The following ARHGAP20 variants were observed in gnomAD, a reference collection of about 807,000 sequenced individuals.
ARHGAP20 encodes the protein Rho GTPase activating protein 20.
In ARHGAP20, 34 loss-of-function variants were observed where a neutral mutation model predicts 73.7. The observed-to-expected ratio is 0.46, with a 90% confidence interval of 0.35 to 0.61. ARHGAP20 has a LOEUF of 0.61. Ranked by LOEUF, ARHGAP20 falls within the 20% of genes least tolerant of loss-of-function variation. ARHGAP20 has a pLI of 0.00. For synonymous variants in ARHGAP20, 523 were observed against 518.2 expected, an observed-to-expected ratio of 1.01 and a Z score of -0.13; for missense variants, 1,314 against 1,420.9, an observed-to-expected ratio of 0.92 and a Z score of 1.21.
At chr11:110,648,153 T>TAATATATATATATATGTA (rs1949238816) in intron 2 of ARHGAP20, among the ~76,000 whole-genome samples, 1 of 118,506 alleles carries the variant, frequency 8.4e-6, no homozygotes, top group African/African-American at 3.0e-5. Context: ...GTGATATATA[T>TAATATATATATATATGTA]AATATATATA....
chr11:110,616,467 G>A (rs1013361168), intron 4 of ARHGAP20, among the ~76,000 whole-genome samples: 2 of 152,068 alleles, frequency 1.3e-5, no homozygotes, highest in African/African-American at 4.8e-5. Flanking sequence ...TGAACTCCTG[G>A]GGCCCAAGTG....
chr11:110,675,904 AT>A (rs1158732908), intron 2 of ARHGAP20, among the ~76,000 whole-genome samples: 1 of 151,986 alleles, frequency 6.6e-6, no homozygotes, highest in African/African-American at 2.4e-5. Context: ...CTTCTGACAA[AT>A]TTTTTTTCCT....
At chr11:110,616,714 A>G (rs1352861733) in intron 4 of ARHGAP20, among the ~76,000 whole-genome samples, 4 of 147,594 alleles carry the variant, frequency 2.7e-5, no homozygotes, top group African/African-American at 1.0e-4. Context: ...CATTGAGCAT[A>G]CATTTTCCAT....
chr11:110,640,300 C>T (rs1161054312), intron 2 of ARHGAP20, among the ~76,000 whole-genome samples: 1 of 151,960 alleles, frequency 6.6e-6, no homozygotes, highest in African/African-American at 2.4e-5. Context: ...ATAGCATAGA[C>T]ACTGTCTAAA....
In ARHGAP20 at chr11:110,580,733, T is replaced by A. The variant is rs796778262; in HGVS notation, c.2213A>T (p.Lys738Ile). 6.2e-7 allele frequency: 1 copy of A among 1,614,110 alleles called. No homozygotes were observed. The highest frequency in any genetic ancestry group is 1.1e-5 in the South Asian group (1 of 91,066). The change falls in exon 15 of 15, where the codon AAA becomes ATA. Residue 738 changes from lysine to isoleucine, a missense_variant. Physicochemically the swap from Lys to Ile is moderately radical, Grantham distance 102. Transcript: ENST00000683387. ...KSSCDAILSQ[K>I]DEDYLKQNQP... ...ATTCTGCTTCAGATAGTCTTCATCT[T>A]TTTGAGAAAGAATTGCATCACAGCT...
At chr11:110,619,288 T>G (rs1948565726) in intron 4 of ARHGAP20, among the ~76,000 whole-genome samples, 1 of 123,448 alleles carries the variant, frequency 8.1e-6, no homozygotes, top group Non-Finnish European at 1.7e-5. Flanking sequence ...AGTGATAGAG[T>G]ATATGCAGTG....
Position 110,577,181 on chromosome 11 carries a change from C to T in ARHGAP20, c.*2189G>A, listed in dbSNP as rs1311046865. Reference sequence around the variant, plus strand: ...CAAGTACAAAAATACACATTTATTACATAACATATGGTAGTAAAATTTGTC... The same window carrying T: ...CAAGTACAAAAATACACATTTATTATATAACATATGGTAGTAAAATTTGTC... On this transcript the variant is annotated 3_prime_UTR_variant, in exon 15 of 15. Transcript: ENST00000683387. The T allele has an allele frequency of 1.3e-6, 2 of 1,532,016 alleles. No homozygotes were observed. The highest frequency in any genetic ancestry group is 1.2e-5 in the South Asian group (1 of 83,234). The allele number at this position is 1,532,016 out of a possible 1,614,324, so 94.9% of individuals were successfully genotyped here.
At chr11:110,606,823 T>C in intron 8 of ARHGAP20, 74 bp from the exon 9 acceptor site, 2 of 1,277,588 alleles carry the variant, frequency 1.6e-6, no homozygotes, top group Non-Finnish European at 2.1e-6. Context: ...AAAATAGGAA[T>C]GTACTGCAAT....
At chr11:110,651,262 T>TA (rs1227421687) in intron 2 of ARHGAP20, among the ~76,000 whole-genome samples, 6 of 152,090 alleles carry the variant, frequency 3.9e-5, no homozygotes, top group African/African-American at 1.2e-4. Flanking sequence ...TTTATAGCAC[T>TA]AAATGCCCAC....
chr11:110,643,986 C>T (rs1048802921), intron 2 of ARHGAP20, among the ~76,000 whole-genome samples: 5 of 151,868 alleles, frequency 3.3e-5, no homozygotes, highest in African/African-American at 9.7e-5. Context: ...TGAATTGAAC[C>T]CTTTATCATT....
intron 2 of ARHGAP20, among the ~76,000 whole-genome samples, chr11:110,653,645 AT>A (rs2135021147): frequency 6.6e-6 from 1 of 152,324 alleles, no homozygotes; most frequent in East Asian, 1.9e-4. Context: ...TAGTTCAACC[AT>A]TGCGGAAGAC....
rs1949735421 is a variant in ARHGAP20 at position 110,666,912 on chromosome 11, G to A, written c.188+23635C>T. Among the ~76,000 whole-genome samples, 3 of 152,174 alleles carry A rather than the reference G, an allele frequency of 2.0e-5. No individual in the cohort carries two copies. The South Asian group carries it at 6.2e-4, about 32-fold the overall frequency. On this transcript the variant is annotated intron_variant, in intron 2 of 14. Transcript: ENST00000683387. Reference sequence around the variant, plus strand: ...CAAACCAGCCACAACATTCCCTTAAGCCAAAGCCTAATCCAGAGCAAGGCT... The same window carrying A: ...CAAACCAGCCACAACATTCCCTTAAACCAAAGCCTAATCCAGAGCAAGGCT...
chr11:110,652,917 A>G (rs892093663), intron 2 of ARHGAP20, among the ~76,000 whole-genome samples: 2 of 152,192 alleles, frequency 1.3e-5, no homozygotes, highest in African/African-American at 4.8e-5. Context: ...ATAAGACTAC[A>G]CATCTATAAT....
In ARHGAP20 at chr11:110,648,169, GTAAA is replaced by G. The variant is rs202188272; in HGVS notation, c.189-17381_189-17378del. 3.4e-3 allele frequency among the ~76,000 whole-genome samples: 235 copies of G among 68,384 alleles called. 1 individual carries two copies. Among genetic ancestry groups the G allele is most frequent in the Admixed American group, 9.2e-3 (52 of 5,652 alleles). The allele number at this position is 68,384 out of a possible 152,430, so 44.9% of individuals were successfully genotyped here. The stretch of plus-strand genomic sequence containing the variant: ...TGATATATATAATATATATATATAT[GTAAA>G]TATATATATATATATGTAAATATAT... On this transcript the variant is annotated intron_variant, in intron 2 of 14. Transcript: ENST00000683387.
At chr11:110,703,184 A>C (rs1950490274) in intron 1 of ARHGAP20, among the ~76,000 whole-genome samples, 1 of 152,120 alleles carries the variant, frequency 6.6e-6, no homozygotes. Context: ...CACTTTAAAC[A>C]TTTAGCTAAA....
rs1555094126 is a variant in ARHGAP20, at chr11:110,644,997, T to TTCTATCTCTCTCTCTC, written c.189-14206_189-14205insGAGAGAGAGAGATAGA. Among the ~76,000 whole-genome samples, 490 of 150,516 alleles carry TTCTATCTCTCTCTCTC rather than the reference T, an allele frequency of 3.3e-3. 3 individuals are homozygous for TTCTATCTCTCTCTCTC. The highest frequency in any genetic ancestry group is 0.011 in the African/African-American group (464 of 41,026). ...GTGAGCAAAGGACATGAACAGACAC[T>TTCTATCTCTCTCTCTC]TCTCTCTCTCTCTCTCTCTTTTATT... On this transcript the variant is annotated intron_variant, in intron 2 of 14. Transcript: ENST00000683387.
chr11:110,624,369 G>A (rs1384751440), intron 3 of ARHGAP20, 58 bp from the exon 4 acceptor site: 3 of 1,385,310 alleles, frequency 2.2e-6, no homozygotes, highest in Admixed American at 5.4e-5. Flanking sequence ...AATTTTATGG[G>A]AGCTTCTCTG....
chr11:110,601,141 C>A (rs1201325579), intron 9 of ARHGAP20, among the ~76,000 whole-genome samples: 2 of 152,108 alleles, frequency 1.3e-5, no homozygotes, highest in Non-Finnish European at 2.9e-5. Context: ...CATAAGAGAC[C>A]ATGCAAAATA....
chr11:110,687,083 T>TACACACAC, intron 2 of ARHGAP20, among the ~76,000 whole-genome samples: 1 of 99,830 alleles, frequency 1.0e-5, no homozygotes, highest in African/African-American at 4.5e-5. Flanking sequence ...CACACATATA[T>TACACACAC]ATAGACACAC....
Sources: gnomAD v4.1 joint callset for allele counts (sites outside exome capture counted in the v4.1 genomes callset) on GRCh38, gnomAD v4.1.1 for gene constraint, MANE v1.5 for transcripts, NCBI Gene and HGNC (gene_info 2026-07-23, HGNC 2026-07-21) for gene names.